ABCG8: variants seen among roughly 807,000 people sequenced by gnomAD.
ABCG8 encodes ATP binding cassette subfamily G member 8.
ABCG8 carries 81 observed loss-of-function variants against 71.3 expected under a neutral mutation model. The observed-to-expected ratio is 1.14, with a 90% CI of 0.95 to 1.37. The LOEUF is 1.37. Ranked by LOEUF, ABCG8 falls within the 40% of genes most tolerant of loss-of-function variation. ABCG8 has a pLI of 0.00. For missense variants in ABCG8, 1,119 were observed against 866.2 expected, an observed-to-expected ratio of 1.29 and a Z score of -3.66; for synonymous variants, 451 against 354.7, an observed-to-expected ratio of 1.27 and a Z score of -3.05.
chr2:43,874,160 C>T (rs553110371), intron 9 of ABCG8, among the ~76,000 whole-genome samples, 174 bp downstream of exon 9: 3 of 152,226 alleles, frequency 2.0e-5, no homozygotes, highest in South Asian at 2.1e-4. Context: ...ATTACCGAGT[C>T]TTAGCTGTTC....
At chr2:43,845,218 G>T (rs1197482403) in intron 2 of ABCG8, among the ~76,000 whole-genome samples, 3 of 151,776 alleles carry the variant, frequency 2.0e-5, no homozygotes, top group African/African-American at 7.3e-5. Flanking sequence ...GAACCCCCTG[G>T]TCAGATTCAA....
At chr2:43,854,645 A>AG (rs61636322) in intron 6 of ABCG8, among the ~76,000 whole-genome samples, 2 of 148,018 alleles carry the variant, frequency 1.4e-5, no homozygotes, top group African/African-American at 4.9e-5. Context: ...AAAAAAAAAA[A>AG]GGATATGGGA....
In ABCG8 at chr2:43,839,010, G is replaced by A. The variant is rs2104901479; in HGVS notation, c.-44G>A. 1 of 1,536,550 alleles carries A rather than the reference G, an allele frequency of 6.5e-7. No homozygotes were observed. Among genetic ancestry groups the A allele is most frequent in the Non-Finnish European group, 8.8e-7 (1 of 1,134,588 alleles). The stretch of plus-strand genomic sequence containing the variant: ...CACTGGCCCTGGCAGGCAGCAGCTG[G>A]GTCTAAGAGAGCTGCAGCCCAGGGT... On this transcript the variant is annotated 5_prime_UTR_variant, in exon 1 of 13. Transcript: ENST00000272286.
chr2:43,847,257 C>A (rs1668773256), intron 3 of ABCG8: 1 of 152,184 alleles, frequency 6.6e-6, no homozygotes, highest in Non-Finnish European at 1.5e-5. Flanking sequence ...CTGCTCCAAA[C>A]TTTTACACCC....
intron 1 of ABCG8, among the ~76,000 whole-genome samples, chr2:43,839,900 A>T (rs1361942309): frequency 6.6e-6 from 1 of 152,188 alleles, no homozygotes; most frequent in African/African-American, 2.4e-5. Flanking sequence ...TCTAACAGGC[A>T]ATCGTAAGTT....
At position 43,852,774 on chromosome 2, in the gene ABCG8, C is replaced by A; in HGVS notation, c.870C>A (p.Thr290=). Residue 290 remains threonine (T), a synonymous_variant, in exon 6 of 13, where the codon ACC becomes ACA. Coordinates refer to ENST00000272286, the MANE Select transcript of ABCG8 (RefSeq NM_022437.3). ...FDLVLLMTSG[T]PIYLGAAQHM... is the part of the protein sequence containing the mutation. ...TGGTCCTCCTGATGACGTCTGGCACCCCCATCTACTTAGGGGCGGCCCAGC... is the reference window on the plus strand; with the variant it reads ...TGGTCCTCCTGATGACGTCTGGCACACCCATCTACTTAGGGGCGGCCCAGC... 1 of 1,614,132 alleles carries A rather than the reference C, an allele frequency of 6.2e-7. No individual in the cohort carries two copies. Among genetic ancestry groups the A allele is most frequent in the South Asian group, 1.1e-5 (1 of 91,076 alleles).
intron 1 of ABCG8, among the ~76,000 whole-genome samples, chr2:43,839,914 C>T (rs941530872): frequency 2.6e-5 from 4 of 152,090 alleles, no homozygotes; most frequent in East Asian, 3.9e-4. Context: ...GTAAGTTCTG[C>T]GAGAAAGCTG....
At chr2:43,844,398 A>G in intron 1 of ABCG8, 109 bp from the exon 2 acceptor site, 1 of 848,084 alleles carries the variant, frequency 1.2e-6, no homozygotes, top group Non-Finnish European at 2.0e-6. Context: ...TTTGAGATTT[A>G]ACCACGTCGG....
chr2:43,843,865 A>T (rs1668655972), intron 1 of ABCG8, among the ~76,000 whole-genome samples: 1 of 152,196 alleles, frequency 6.6e-6, no homozygotes, highest in Non-Finnish European at 1.5e-5. Flanking sequence ...GATGATGATG[A>T]GAGGGACTTC....
At chr2:43,874,265 T>C (rs1298931814) in intron 9 of ABCG8, 142 bp from the exon 10 acceptor site, 3 of 836,284 alleles carry the variant, frequency 3.6e-6, no homozygotes, top group Non-Finnish European at 4.0e-6. Context: ...AGGATGGCTT[T>C]ACTGTGCCTA....
chr2:43,869,164 G>C (rs1430960901), intron 6 of ABCG8, among the ~76,000 whole-genome samples: 11 of 151,898 alleles, frequency 7.2e-5, no homozygotes. Flanking sequence ...TGTCTGGATA[G>C]AATTCTCACT....
chr2:43,869,969 C>T (rs1669703312), intron 6 of ABCG8, among the ~76,000 whole-genome samples: 1 of 151,728 alleles, frequency 6.6e-6, no homozygotes, highest in Non-Finnish European at 1.5e-5. Context: ...AATTCTCACT[C>T]TGTGGATAGA....
Position 43,874,028 on chromosome 2 carries a change from A to T in ABCG8, c.1411+42A>T, listed in dbSNP as rs1572865989. The T allele has an allele frequency of 7.5e-6, 12 of 1,604,246 alleles. No individual in the cohort carries two copies. In the East Asian group the frequency reaches 2.7e-4, roughly 36 times the overall value. On this transcript the variant is annotated intron_variant, in intron 9 of 12. Coordinates refer to ENST00000272286, the MANE Select transcript of ABCG8 (RefSeq NM_022437.3). ...GGCATGGGCAGGCAGGACCTCAGCC[A>T]CCTCCAAGCTGTGTTCCTCTGAGCT...
intron 3 of ABCG8, chr2:43,846,654 A>G (rs552571244): frequency 2.2e-5 from 8 of 361,256 alleles, no homozygotes; most frequent in African/African-American, 1.3e-4. Context: ...CATGAGGGGC[A>G]TTGGTTCAGG....
chr2:43,871,945 C>T, intron 6 of ABCG8, 31 bp from the exon 7 acceptor site: 1 of 1,613,608 alleles, frequency 6.2e-7, no homozygotes, highest in African/African-American at 1.3e-5. Context: ...AGGGAACAGG[C>T]CACCTGTGAC....
At chr2:43,845,288 G>A (rs1183778411) in intron 2 of ABCG8, among the ~76,000 whole-genome samples, 1 of 152,024 alleles carries the variant, frequency 6.6e-6, no homozygotes, top group Non-Finnish European at 1.5e-5. Flanking sequence ...GTCTGGGATG[G>A]TGAACTTCAG....
intron 6 of ABCG8, among the ~76,000 whole-genome samples, chr2:43,870,423 A>C (rs535259298): frequency 6.6e-6 from 1 of 151,310 alleles, no homozygotes; most frequent in Non-Finnish European, 1.5e-5. Flanking sequence ...CTCACTATCT[A>C]TCTGGATAGA....
At chr2:43,844,431 G>A (rs550995993) in intron 1 of ABCG8, 76 bp from the exon 2 acceptor site, 7 of 1,238,152 alleles carry the variant, frequency 5.7e-6, no homozygotes, top group Non-Finnish European at 8.3e-6. Context: ...GCTCTCACCT[G>A]TTGGTTTCCT....
In ABCG8 at chr2:43,852,880, A is replaced by G; in HGVS notation, c.964+12A>G. The G allele has an allele frequency of 6.2e-7, 1 of 1,613,694 alleles. No individual in the cohort carries two copies. The highest frequency in any genetic ancestry group is 8.5e-7 in the Non-Finnish European group (1 of 1,180,002). ...TGCTGACTTCTATGGTGAGTCCCCA[A>G]GGCCAGCAGCCAGGGCCCTGGCACA... On this transcript the variant is annotated intron_variant, in intron 6 of 12. Transcript: ENST00000272286.
Sources: allele counts gnomAD v4.1 joint callset (sites outside exome capture counted in the v4.1 genomes callset), GRCh38; gene constraint gnomAD v4.1.1; transcripts MANE v1.5; gene names NCBI Gene and HGNC (gene_info 2026-07-23, HGNC 2026-07-21).